The following ELAVL2 variants were observed in gnomAD, a reference collection of about 807,000 sequenced individuals.
ELAVL2 encodes ELAV-like protein 2.
ELAVL2 carries 4 observed loss-of-function variants against 34.6 expected under a neutral mutation model. The observed-to-expected ratio is 0.12, with a 90% confidence interval of 0.06 to 0.26. The LOEUF (loss-of-function observed/expected upper bound fraction) is 0.26. ELAVL2 is among the 10% of genes least tolerant of loss of function. ELAVL2 has a pLI of 1.00. For synonymous variants in ELAVL2, 193 were observed against 154.8 expected (o/e 1.25, Z -1.83); for missense variants, 432 against 442.8 (o/e 0.98, Z 0.22).
the ELAVL2 span, among the ~76,000 whole-genome samples, chr9:23,843,502 A>G: frequency 6.6e-6 from 1 of 152,118 alleles, no homozygotes; most frequent in Admixed American, 6.6e-5. Context: ...TAATAAGGAA[A>G]ATTTCAGATT....
chr9:23,841,437 T>C, the ELAVL2 span, among the ~76,000 whole-genome samples: 4 of 151,778 alleles, frequency 2.6e-5, no homozygotes, highest in Non-Finnish European at 5.9e-5. Flanking sequence ...TACTTTAGAG[T>C]TTCTAGAGAA....
At chr9:23,823,626 T>C (rs1055680705) in intron 1 of ELAVL2, among the ~76,000 whole-genome samples, 4 of 152,136 alleles carry the variant, frequency 2.6e-5, no homozygotes, top group Non-Finnish European at 5.9e-5. Flanking sequence ...TTCGAAACTC[T>C]CAACATATTT....
chr9:23,793,976 G>C (rs954128493), intron 1 of ELAVL2, among the ~76,000 whole-genome samples: 19 of 152,130 alleles, frequency 1.2e-4, no homozygotes, highest in Non-Finnish European at 1.5e-5. Context: ...ACAGCCATTT[G>C]TAAGGCCCCA....
chr9:23,786,781 CAAA>C (rs57292061), intron 1 of ELAVL2, among the ~76,000 whole-genome samples: 9,166 of 108,148 alleles, frequency 0.085, 417 homozygotes, highest in Middle Eastern at 0.16. Context: ...ATTTTAGTGG[CAAA>C]AAAAAAAAAA....
chr9:23,785,009 C>T (rs2136976334), intron 1 of ELAVL2, among the ~76,000 whole-genome samples: 1 of 152,276 alleles, frequency 6.6e-6, no homozygotes, highest in Admixed American at 6.5e-5. Context: ...GTGCATCCTA[C>T]TTTGGGGCAT....
At chr9:23,817,155 T>C (rs369940507) in intron 1 of ELAVL2, among the ~76,000 whole-genome samples, 1 of 152,172 alleles carries the variant, frequency 6.6e-6, no homozygotes, top group Non-Finnish European at 1.5e-5. Context: ...GGATTTTGCA[T>C]GTCAGACCTT....
At chr9:23,785,424 G>A (rs949337041) in intron 1 of ELAVL2, among the ~76,000 whole-genome samples, 1 of 152,124 alleles carries the variant, frequency 6.6e-6, no homozygotes, top group African/African-American at 2.4e-5. Flanking sequence ...TTAGTGTCCT[G>A]GAGGACAAAA....
intron 4 of ELAVL2, 99 bp downstream of exon 4, chr9:23,704,819 T>C: frequency 1.4e-6 from 2 of 1,469,254 alleles, no homozygotes; most frequent in South Asian, 2.6e-5. Flanking sequence ...ATACCTTTGA[T>C]ATGTTCTAGA....
intron 6 of ELAVL2, among the ~76,000 whole-genome samples, chr9:23,693,226 G>A (rs1314928239): frequency 6.6e-6 from 1 of 152,154 alleles, no homozygotes; most frequent in Admixed American, 6.6e-5. Flanking sequence ...ACGTCGTAAC[G>A]CAATACGAAA....
At chr9:23,740,587 T>C (rs1354566747) in intron 2 of ELAVL2, among the ~76,000 whole-genome samples, 3 of 152,126 alleles carry the variant, frequency 2.0e-5, no homozygotes, top group South Asian at 4.1e-4. Flanking sequence ...TTCTTTGTCA[T>C]GAAATAAATT....
chr9:23,839,072 C>A, the ELAVL2 span, among the ~76,000 whole-genome samples: 1 of 151,992 alleles, frequency 6.6e-6, no homozygotes, highest in African/African-American at 2.4e-5. Context: ...AATACCATGA[C>A]CAAGAATCTA....
chr9:23,842,801 A>T, the ELAVL2 span, among the ~76,000 whole-genome samples: 1 of 152,144 alleles, frequency 6.6e-6, no homozygotes, highest in Non-Finnish European at 1.5e-5. Flanking sequence ...TTTGATGCTC[A>T]ACTGACTCTT....
intron 1 of ELAVL2, among the ~76,000 whole-genome samples, chr9:23,763,385 C>G (rs2055501356): frequency 6.6e-6 from 1 of 152,114 alleles, no homozygotes; most frequent in African/African-American, 2.4e-5. Context: ...TATCTTTGGA[C>G]AGCCAAGACT....
At chr9:23,817,247 T>TA (rs56712790) in intron 1 of ELAVL2, among the ~76,000 whole-genome samples, 19,197 of 151,820 alleles carry the variant, frequency 0.13, 1,510 homozygotes, top group Middle Eastern at 0.19. Flanking sequence ...CAAGTTTATT[T>TA]AAAAAAAAGA....
chr9:23,765,989 G>A (rs890146594), intron 1 of ELAVL2, among the ~76,000 whole-genome samples: 4 of 151,962 alleles, frequency 2.6e-5, no homozygotes, highest in African/African-American at 9.7e-5. Context: ...TACTTTTTTT[G>A]CCATATATGC....
chr9:23,839,679 G>T, the ELAVL2 span, among the ~76,000 whole-genome samples: 1 of 152,062 alleles, frequency 6.6e-6, no homozygotes, highest in Non-Finnish European at 1.5e-5. Flanking sequence ...ATGCTCTTCT[G>T]TCTCATATCT....
At chr9:23,718,699 A>G (rs1395483084) in intron 3 of ELAVL2, among the ~76,000 whole-genome samples, 1 of 152,212 alleles carries the variant, frequency 6.6e-6, no homozygotes, top group African/African-American at 2.4e-5. Context: ...ACTATGAAAA[A>G]TTTATTCAAT....
intron 3 of ELAVL2, among the ~76,000 whole-genome samples, chr9:23,722,563 C>G (rs2044012938): frequency 6.6e-6 from 1 of 152,180 alleles, no homozygotes; most frequent in Non-Finnish European, 1.5e-5. Context: ...CAAAGACACT[C>G]AAAGGCCCAA....
intron 1 of ELAVL2, among the ~76,000 whole-genome samples, chr9:23,788,807 A>G (rs1432336059): frequency 1.3e-5 from 2 of 152,200 alleles, no homozygotes; most frequent in African/African-American, 4.8e-5. Flanking sequence ...AGGGACTAAC[A>G]GCATGGATAC....
Sources: allele counts gnomAD v4.1 joint callset (sites outside exome capture counted in the v4.1 genomes callset), GRCh38; gene constraint gnomAD v4.1.1; transcripts MANE v1.5; gene names NCBI Gene and HGNC (gene_info 2026-07-23, HGNC 2026-07-21).